Variants in TRIM34 observed in about 807,000 individuals in gnomAD.
The protein encoded by TRIM34 is tripartite motif containing 34.
TRIM34 carries 41 observed loss-of-function variants against 38.1 expected under a neutral mutation model. That is an observed-to-expected ratio of 1.08 (90% confidence interval 0.84 to 1.40). TRIM34 has a LOEUF of 1.40. Ranked by LOEUF, TRIM34 falls within the 40% of genes most tolerant of loss-of-function variation. TRIM34 has a pLI of 0.00. For missense variants in TRIM34, 556 were observed against 571.4 expected (o/e 0.97, Z 0.27); for synonymous variants, 200 against 202.5 (o/e 0.99, Z 0.10).
At chr11:5,638,340 T>A (rs1299409681) in intron 4 of TRIM34, among the ~76,000 whole-genome samples, 1 of 152,198 alleles carries the variant, frequency 6.6e-6, no homozygotes, top group Non-Finnish European at 1.5e-5. Flanking sequence ...TGACAGAGGT[T>A]TGAGCTTCCA....
At chr11:5,635,186 C>T (rs753165155) in intron 4 of TRIM34, among the ~76,000 whole-genome samples, 3 of 151,504 alleles carry the variant, frequency 2.0e-5, no homozygotes, top group Non-Finnish European at 4.4e-5. Flanking sequence ...TAAGAGCATA[C>T]ACATTTAAGA....
Position 5,632,375 on chromosome 11 carries a change from G to A in TRIM34, c.44G>A (p.Cys15Tyr). ...CTTAACGTACAAGAGGAGGTGACCT[G>A]TCCCATCTGCCTGGAGCTGTTGACA... ...ILLNVQEEVTCPICLELLTEP... is the reference protein window; with the variant it reads ...ILLNVQEEVTYPICLELLTEP... The change falls in exon 2 of 8, where the codon TGT becomes TAT. Residue 15 changes from cysteine to tyrosine, a missense_variant. By Grantham distance (194) the Cys-to-Tyr change is radical. Coordinates refer to ENST00000429814, the MANE Select transcript of TRIM34 (RefSeq NM_021616.6). 1.2e-6 allele frequency: 2 copies of A among 1,614,116 alleles called. No homozygotes were observed. The highest frequency in any genetic ancestry group is 1.6e-4 in the Middle Eastern group (1 of 6,062).
chr11:5,627,573 T>A (rs1849300371), intron 1 of TRIM34, among the ~76,000 whole-genome samples: 1 of 152,202 alleles, frequency 6.6e-6, no homozygotes. Context: ...AAAATGATTC[T>A]ATGTTAAAAA....
At chr11:5,633,988 T>A (rs1351703711) in intron 3 of TRIM34, 89 bp downstream of exon 3, 1 of 1,405,322 alleles carries the variant, frequency 7.1e-7, no homozygotes, top group Non-Finnish European at 9.8e-7. Context: ...TCCTTGACAT[T>A]GCATGAGTCC....
Position 5,633,814 on chromosome 11 carries a change from A to C in TRIM34, c.434A>C (p.Gln145Pro). The part of the protein sequence containing the change: ...EVFKECQEKL[Q>P]AVLKRLKKEE... ...ATTCCCTTCTCATAGGAGAAACTCC[A>C]GGCAGTCCTCAAGAGGCTGAAGAAG... The change falls in exon 3 of 8, where the codon CAG (glutamine) becomes CCG (proline). Residue 145 changes from glutamine to proline, a missense_variant. Coordinates refer to ENST00000429814, the MANE Select transcript of TRIM34 (RefSeq NM_021616.6). 1 of 1,613,900 alleles carries C rather than the reference A, an allele frequency of 6.2e-7. No homozygotes were observed. The highest frequency in any genetic ancestry group is 8.5e-7 in the Non-Finnish European group (1 of 1,179,902).
intron 1 of TRIM34, among the ~76,000 whole-genome samples, chr11:5,629,780 T>G (rs1483279259): frequency 1.3e-5 from 2 of 152,188 alleles, no homozygotes; most frequent in Admixed American, 6.5e-5. Flanking sequence ...CGATCTCGGC[T>G]CACTGGAAGC....
At chr11:5,622,952 C>T (rs574289165), upstream of TRIM34, among the ~76,000 whole-genome samples, 27 of 152,034 alleles carry the variant, frequency 1.8e-4, no homozygotes, top group Non-Finnish European at 3.1e-4. Context: ...AATATATGTC[C>T]GCAAAGGCGG....
chr11:5,642,885 C>T, intron 7 of TRIM34, 42 bp downstream of exon 7: 1 of 1,611,996 alleles, frequency 6.2e-7, no homozygotes, highest in Non-Finnish European at 8.5e-7. Flanking sequence ...TTCCAATTAC[C>T]TTTCAGAAGT....
chr11:5,636,644 G>A (rs1285526897), intron 4 of TRIM34, among the ~76,000 whole-genome samples: 2 of 152,108 alleles, frequency 1.3e-5, no homozygotes, highest in Non-Finnish European at 2.9e-5. Flanking sequence ...TATGTCATTT[G>A]TCCAGGCATT....
In TRIM34 at chr11:5,634,836, A is replaced by G; in HGVS notation, c.725A>G (p.Gln242Arg). The G allele has an allele frequency of 1.2e-6, 2 of 1,613,044 alleles. No individual in the cohort carries two copies. The highest frequency in any genetic ancestry group is 1.7e-6 in the Non-Finnish European group (2 of 1,179,348). Residue 242 changes from glutamine (Q) to arginine (R), a missense_variant, in exon 4 of 8, where the codon CAG becomes CGG. Gln to Arg is a conservative substitution (Grantham distance 43, BLOSUM62 1). Coordinates refer to ENST00000429814, the MANE Select transcript of TRIM34 (RefSeq NM_021616.6). ...ATCTCAGATGTGGAGTGTCGGAGTC[A>G]GTGGTCAACAATGGAGCTGCTGCAG... ...ELISDVECRS[Q>R]WSTMELLQDM... is the part of the protein sequence containing the mutation.
upstream of TRIM34, chr11:5,620,155 C>T (rs1590140057): frequency 2.3e-5 from 3 of 130,070 alleles, no homozygotes; most frequent in African/African-American, 8.4e-5. Flanking sequence ...CTTTTTTTTC[C>T]TTTTCTTTCT....
intron 3 of TRIM34, 56 bp downstream of exon 3, chr11:5,633,955 C>A: frequency 1.3e-6 from 2 of 1,588,698 alleles, no homozygotes; most frequent in South Asian, 1.1e-5. Context: ...GACCTTAATC[C>A]AAGGAGGCCT....
At chr11:5,625,848 T>C (rs1849194508) in intron 1 of TRIM34, among the ~76,000 whole-genome samples, 1 of 152,262 alleles carries the variant, frequency 6.6e-6, no homozygotes, top group Non-Finnish European at 1.5e-5. Context: ...CACCTTGGCA[T>C]TGATTTGTAA....
chr11:5,638,081 A>G (rs138332225), intron 4 of TRIM34, among the ~76,000 whole-genome samples: 232 of 152,366 alleles, frequency 1.5e-3, no homozygotes, highest in Non-Finnish European at 2.4e-3. Context: ...CAGCGTATCC[A>G]ATCCTTACAT....
At position 5,632,505 on chromosome 11, in the gene TRIM34, G is replaced by A. The variant is rs1344078686; in HGVS notation, c.174G>A (p.Val58=). The part of the protein sequence containing the change: ...TSMGGKSSCP[V]CGISYSFEHL... ...TGGGAGGAAAAAGCAGCTGTCCTGT[G>A]TGTGGTATCAGTTACTCATTTGAAC... The change falls in exon 2 of 8, where the codon GTG becomes GTA. Residue 58 remains valine, a synonymous_variant. Transcript: ENST00000429814. 5.0e-6 allele frequency: 8 copies of A among 1,614,030 alleles called. No individual in the cohort carries two copies. Among genetic ancestry groups the A allele is most frequent in the Non-Finnish European group, 6.8e-6 (8 of 1,180,022 alleles).
chr11:5,634,854 T>C lies in TRIM34; in HGVS notation c.743T>C (p.Leu248Pro). The C allele has an allele frequency of 6.2e-7, 1 of 1,612,368 alleles. No individual in the cohort carries two copies. ...ECRSQWSTME[L>P]LQDMSGIMKW... ...CGGAGTCAGTGGTCAACAATGGAGC[T>C]GCTGCAGGTAAGAAGGTTCGCTCAA... Residue 248 changes from leucine (L) to proline (P), a missense_variant, in exon 4 of 8, where the codon CTG (leucine) becomes CCG (proline). Leu to Pro is a moderately conservative substitution (Grantham distance 98). Transcript: ENST00000429814.
At chr11:5,633,697 T>A in intron 2 of TRIM34, 107 bp from the exon 3 acceptor site, 1 of 1,112,684 alleles carries the variant, frequency 9.0e-7, no homozygotes, top group Non-Finnish European at 1.2e-6. Flanking sequence ...TCACAGTTTC[T>A]GTAAATTGCT....
intron 4 of TRIM34, among the ~76,000 whole-genome samples, chr11:5,639,814 T>C (rs764796063): frequency 5.9e-4 from 90 of 151,290 alleles, no homozygotes; most frequent in Non-Finnish European, 5.9e-5. Flanking sequence ...TTCTTTCCAA[T>C]ATAGAAGCTT....
upstream of TRIM34, among the ~76,000 whole-genome samples, chr11:5,623,816 C>G (rs1363736249): frequency 6.6e-6 from 1 of 152,102 alleles, no homozygotes; most frequent in Non-Finnish European, 1.5e-5. Flanking sequence ...TGTTAAACTT[C>G]CAACAAGTTT....
Sources: gnomAD v4.1 joint callset for allele counts (sites outside exome capture counted in the v4.1 genomes callset) on GRCh38, gnomAD v4.1.1 for gene constraint, MANE v1.5 for transcripts, NCBI Gene and HGNC (gene_info 2026-07-23, HGNC 2026-07-21) for gene names.